The following DHRS12 variants were observed in gnomAD, a reference collection of about 807,000 sequenced individuals.
DHRS12 encodes dehydrogenase/reductase 12, also known as dehydrogenase/reductase SDR family member 12.
In DHRS12, 29 loss-of-function variants were observed where a neutral mutation model predicts 32.1. The observed-to-expected ratio is 0.90, with a 90% CI of 0.67 to 1.23. The LOEUF is 1.23. Ranked by LOEUF, DHRS12 falls within the 50% of genes most tolerant of loss-of-function variation. DHRS12 has a pLI of 0.00. For synonymous variants in DHRS12, 150 were observed against 135.9 expected (o/e 1.10, Z -0.72); for missense variants, 330 against 337.2 (o/e 0.98, Z 0.17).
the DHRS12 span, chr13:51,762,884 T>C: frequency 6.6e-6 from 1 of 152,242 alleles, no homozygotes; most frequent in African/African-American, 2.4e-5. Context: ...ATGTTCTTGG[T>C]TCCTCCAAAC....
At chr13:51,789,712 C>T in intron 4 of DHRS12, 3 of 985,430 alleles carry the variant, frequency 3.0e-6, no homozygotes, top group Non-Finnish European at 3.6e-6. Flanking sequence ...GACTTGCACT[C>T]AACACTTAAG....
intron 4 of DHRS12, among the ~76,000 whole-genome samples, chr13:51,788,674 C>T (rs961759236): frequency 1.3e-5 from 2 of 151,836 alleles, no homozygotes; most frequent in Non-Finnish European, 2.9e-5. Context: ...GTGAGACCCC[C>T]ACCTCAACAA....
the DHRS12 span, chr13:51,756,685 T>C: frequency 1.0e-5 from 10 of 977,638 alleles, no homozygotes; most frequent in African/African-American, 1.8e-4. Flanking sequence ...TCTGTGTTCT[T>C]TCTAATTTCT....
At chr13:51,785,163 G>A (rs1000979528) in intron 4 of DHRS12, among the ~76,000 whole-genome samples, 5 of 152,204 alleles carry the variant, frequency 3.3e-5, no homozygotes, top group Admixed American at 6.5e-5. Context: ...AAGAGATGGA[G>A]GTTGCAGTGA....
chr13:51,790,520 G>A (rs1955218269), intron 3 of DHRS12, among the ~76,000 whole-genome samples: 1 of 152,136 alleles, frequency 6.6e-6, no homozygotes, highest in African/African-American at 2.4e-5. Context: ...ATATTAATGA[G>A]ATGGCATAGA....
intron 2 of DHRS12, among the ~76,000 whole-genome samples, chr13:51,795,425 G>T (rs901697039): frequency 6.6e-6 from 1 of 152,192 alleles, no homozygotes; most frequent in African/African-American, 2.4e-5. Context: ...AATAATAATA[G>T]TAGCTACTTC....
intron 6 of DHRS12, 145 bp downstream of exon 6, chr13:51,773,785 G>C: frequency 5.8e-6 from 4 of 684,952 alleles, no homozygotes; most frequent in South Asian, 5.5e-5. Context: ...CCCCAAAGGG[G>C]AGCCCTCTTG....
intron 2 of DHRS12, chr13:51,797,773 C>G (rs1351336091): frequency 6.6e-6 from 10 of 1,513,594 alleles, no homozygotes; most frequent in Non-Finnish European, 8.9e-6. Context: ...AGCCTCCTCA[C>G]AGCTGACCAT....
At chr13:51,767,870 C>T (rs1953819617), downstream of DHRS12, 3 of 497,748 alleles carry the variant, frequency 6.0e-6, no homozygotes, top group African/African-American at 4.3e-5. Context: ...GGGGGCATTC[C>T]TGCTGCCCCC....
intron 4 of DHRS12, among the ~76,000 whole-genome samples, chr13:51,787,855 TATATA>T (rs1955048369): frequency 8.2e-6 from 1 of 121,258 alleles, no homozygotes; most frequent in African/African-American, 3.2e-5. Flanking sequence ...TATATAATTA[TATATA>T]ATATATAAAT....
chr13:51,791,111 C>A, intron 3 of DHRS12, 54 bp downstream of exon 3: 3 of 1,310,318 alleles, frequency 2.3e-6, no homozygotes, highest in Non-Finnish European at 3.2e-6. Context: ...CATCCACAGA[C>A]GGAAACAATG....
At chr13:51,768,831 A>G in intron 8 of DHRS12, 2 of 1,305,842 alleles carry the variant, frequency 1.5e-6, no homozygotes, top group Admixed American at 3.8e-5. Flanking sequence ...CTCCCTTTGC[A>G]GTGCAGCTTT....
Position 51,769,241 on chromosome 13 carries a change from G to A in DHRS12, c.612C>T (p.Arg204=), listed in dbSNP as rs749278169. Residue 204 remains arginine, a synonymous_variant, in exon 8 of 9, where the codon CGC becomes CGT. Transcript: ENST00000444610. ...GFHARFGDRL[R]SEAQGADTML... is the part of the protein sequence containing the mutation. ...TGGTGTCCGCGCCCTGGGCCTCGGA[G>A]CGCAGGCGGTCCCCGAACCTGGCGT... 3.8e-6 allele frequency: 6 copies of A among 1,590,378 alleles called. No homozygotes were observed. The highest frequency in any genetic ancestry group is 1.3e-5 in the African/African-American group (1 of 74,582).
chr13:51,802,705 G>A (rs1455703349), intron 1 of DHRS12, among the ~76,000 whole-genome samples: 2 of 152,184 alleles, frequency 1.3e-5, no homozygotes, highest in South Asian at 2.1e-4. Flanking sequence ...CTAACTCCGC[G>A]CTCTCACACT....
chr13:51,760,545 G>C, the DHRS12 span: 1 of 152,070 alleles, frequency 6.6e-6, no homozygotes, highest in East Asian at 1.9e-4. Flanking sequence ...TCAGTGCCTG[G>C]ATCATTTAGA....
At chr13:51,785,355 CA>C (rs1954908780) in intron 4 of DHRS12, among the ~76,000 whole-genome samples, 1 of 150,346 alleles carries the variant, frequency 6.7e-6, no homozygotes, top group Admixed American at 6.6e-5. Flanking sequence ...AAAAAAAAAA[CA>C]AACCCTTGTG....
At chr13:51,764,352 T>C (rs1953681019), downstream of DHRS12, 3 of 152,368 alleles carry the variant, frequency 2.0e-5, no homozygotes, top group African/African-American at 7.2e-5. Flanking sequence ...AGGAGGGGCT[T>C]CACAGAGGAA....
chr13:51,800,625 C>T (rs1955709702), intron 1 of DHRS12, among the ~76,000 whole-genome samples: 1 of 152,240 alleles, frequency 6.6e-6, no homozygotes, highest in Admixed American at 6.5e-5. Flanking sequence ...TCCCACAGGA[C>T]CTGTTTACAA....
intron 4 of DHRS12, among the ~76,000 whole-genome samples, chr13:51,784,953 C>T (rs955394007): frequency 6.6e-6 from 1 of 152,222 alleles, no homozygotes; most frequent in Non-Finnish European, 1.5e-5. Flanking sequence ...ACAAGCCAGG[C>T]GCAGTGGCTC....
Sources: allele counts gnomAD v4.1 joint callset (sites outside exome capture counted in the v4.1 genomes callset), GRCh38; gene constraint gnomAD v4.1.1; transcripts MANE v1.5; gene names NCBI Gene and HGNC (gene_info 2026-07-23, HGNC 2026-07-21).